MYO1D: variants seen among roughly 807,000 people sequenced by gnomAD.
The protein encoded by MYO1D is myosin ID, also known as unconventional myosin-Id.
Under a neutral mutation model 122.0 loss-of-function variants are expected in MYO1D, and 83 were observed. The ratio of observed to expected loss-of-function variants is 0.68; its 90% CI spans 0.57 to 0.82. The LOEUF is 0.82. Ranked by LOEUF, MYO1D falls within the 40% of genes least tolerant of loss-of-function variation. The pLI is 0.00. For synonymous variants in MYO1D, 464 were observed against 446.9 expected (o/e 1.04, Z -0.48); for missense variants, 1,157 against 1,269.5 (o/e 0.91, Z 1.35).
chr17:32,860,925 C>G (rs541608976), intron 1 of MYO1D, among the ~76,000 whole-genome samples: 1 of 152,224 alleles, frequency 6.6e-6, no homozygotes, highest in South Asian at 2.1e-4. Context: ...AAAAGTAAAT[C>G]CCCTCAAATC....
chr17:32,751,791 G>GA (rs1358116055), intron 11 of MYO1D, among the ~76,000 whole-genome samples: 2 of 152,004 alleles, frequency 1.3e-5, no homozygotes, highest in Non-Finnish European at 2.9e-5. Flanking sequence ...ACAAAAAAAT[G>GA]AAAAAACATA....
chr17:32,651,485 C>A (rs2088387331), intron 19 of MYO1D, among the ~76,000 whole-genome samples: 1 of 152,094 alleles, frequency 6.6e-6, no homozygotes, highest in East Asian at 1.9e-4. Context: ...GCCTGGGCTT[C>A]CCCCACTGCT....
At chr17:32,636,701 G>T (rs1489475809) in intron 20 of MYO1D, among the ~76,000 whole-genome samples, 2 of 152,250 alleles carry the variant, frequency 1.3e-5, no homozygotes, top group African/African-American at 2.4e-5. Flanking sequence ...AGCTCTAGGA[G>T]ATGGTGTGAG....
At chr17:32,775,663 A>G (rs951173651) in intron 4 of MYO1D, among the ~76,000 whole-genome samples, 1 of 152,182 alleles carries the variant, frequency 6.6e-6, no homozygotes, top group African/African-American at 2.4e-5. Context: ...TCTATCTACA[A>G]AGTCCACAAC....
chr17:32,631,666 T>A (rs1477593717), intron 20 of MYO1D, among the ~76,000 whole-genome samples: 1 of 151,584 alleles, frequency 6.6e-6, no homozygotes, highest in African/African-American at 2.4e-5. Flanking sequence ...AAAAAGGTAG[T>A]CTGAACAACT....
intron 1 of MYO1D, among the ~76,000 whole-genome samples, 200 bp from the exon 2 acceptor site, chr17:32,780,984 T>C (rs2090231204): frequency 6.6e-6 from 1 of 152,132 alleles, no homozygotes; most frequent in Admixed American, 6.5e-5. Flanking sequence ...AAAAGACCAG[T>C]AGGGGTTAAA....
chr17:32,640,829 C>A (rs1014676448), intron 19 of MYO1D, among the ~76,000 whole-genome samples: 7 of 151,848 alleles, frequency 4.6e-5, no homozygotes, highest in Non-Finnish European at 1.0e-4. Context: ...GGTCCATGGA[C>A]AAGTTGGTTT....
intron 8 of MYO1D, among the ~76,000 whole-genome samples, chr17:32,761,886 CTTA>C (rs1299321285): frequency 1.3e-5 from 2 of 152,120 alleles, no homozygotes; most frequent in Non-Finnish European, 2.9e-5. Context: ...TTGCTGAATA[CTTA>C]TTATATATAG....
intron 21 of MYO1D, among the ~76,000 whole-genome samples, chr17:32,549,545 C>A (rs2086992904): frequency 6.6e-6 from 1 of 152,192 alleles, no homozygotes; most frequent in South Asian, 2.1e-4. Flanking sequence ...GTGTTAATGT[C>A]ACTTCTGTTT....
chr17:32,621,722 C>G (rs1200642185), intron 20 of MYO1D, among the ~76,000 whole-genome samples: 1 of 152,146 alleles, frequency 6.6e-6, no homozygotes, highest in Non-Finnish European at 1.5e-5. Flanking sequence ...TGTCTGTGAC[C>G]TCCCATATGT....
chr17:32,765,394 A>G (rs926725083), intron 7 of MYO1D, among the ~76,000 whole-genome samples: 3 of 152,128 alleles, frequency 2.0e-5, no homozygotes, highest in African/African-American at 7.2e-5. Context: ...CAAAGGGTTT[A>G]TGAGCATTTG....
intron 16 of MYO1D, among the ~76,000 whole-genome samples, chr17:32,687,962 A>G (rs933640359): frequency 1.6e-4 from 25 of 152,196 alleles, no homozygotes; most frequent in African/African-American, 5.8e-4. Flanking sequence ...GAGATCAGAC[A>G]CATCTGCAAA....
intron 1 of MYO1D, among the ~76,000 whole-genome samples, chr17:32,824,031 C>T (rs1349119761): frequency 7.8e-6 from 1 of 127,552 alleles, no homozygotes; most frequent in African/African-American, 3.1e-5. Context: ...CAGGCCACTG[C>T]ATTCCAGCCT....
intron 10 of MYO1D, among the ~76,000 whole-genome samples, chr17:32,756,878 C>G (rs1259240855): frequency 6.6e-6 from 1 of 152,164 alleles, no homozygotes; most frequent in East Asian, 1.9e-4. Context: ...CAACAATCCT[C>G]TGCCACACCT....
At chr17:32,516,847 G>A (rs1909910310) in intron 21 of MYO1D, among the ~76,000 whole-genome samples, 1 of 152,224 alleles carries the variant, frequency 6.6e-6, no homozygotes, top group Non-Finnish European at 1.5e-5. Flanking sequence ...TGGCTTGTAA[G>A]TGGATTAAAT....
At chr17:32,693,031 G>C (rs144725827) in intron 16 of MYO1D, among the ~76,000 whole-genome samples, 1 of 152,312 alleles carries the variant, frequency 6.6e-6, no homozygotes, top group East Asian at 1.9e-4. Context: ...CTGTAATACA[G>C]TCTTCCTCCA....
Position 32,597,489 on chromosome 17 carries a change from T to TA in MYO1D, c.2864+7597dup, listed in dbSNP as rs11314895. On this transcript the variant is annotated intron_variant, in intron 21 of 21. Transcript: ENST00000318217. ...TATGTGTAGCATATCACCATTTTTGTAAAAAAAAAAGTCATAGGAGATATC... is the reference window on the plus strand; with the variant it reads ...TATGTGTAGCATATCACCATTTTTGTAAAAAAAAAAAGTCATAGGAGATATC... Among the ~76,000 whole-genome samples, 60 of 150,538 alleles carry TA rather than the reference T, an allele frequency of 4.0e-4. No individual in the cohort carries two copies. In the South Asian group the frequency reaches 4.4e-3, roughly 11 times the overall value.
At chr17:32,626,804 A>G (rs1346116022) in intron 20 of MYO1D, among the ~76,000 whole-genome samples, 1 of 152,208 alleles carries the variant, frequency 6.6e-6, no homozygotes, top group African/African-American at 2.4e-5. Flanking sequence ...TTAACAAAAA[A>G]AGAGAGAGAA....
At chr17:32,548,788 T>C (rs225197) in intron 21 of MYO1D, among the ~76,000 whole-genome samples, 1 of 149,734 alleles carries the variant, frequency 6.7e-6, no homozygotes, top group Non-Finnish European at 1.5e-5. Context: ...ATCTTGGCTC[T>C]CTGCAACCTC....
Sources: allele counts gnomAD v4.1 joint callset (sites outside exome capture counted in the v4.1 genomes callset), GRCh38; gene constraint gnomAD v4.1.1; transcripts MANE v1.5; gene names NCBI Gene and HGNC (gene_info 2026-07-23, HGNC 2026-07-21).